Variants in TREH observed in about 807,000 individuals in gnomAD.
TREH encodes the protein alpha,alpha-trehalose glucohydrolase.
In TREH, 69 loss-of-function variants were observed where a neutral mutation model predicts 80.5. That is an observed-to-expected ratio of 0.86 (90% CI 0.71 to 1.05). TREH has a LOEUF of 1.05. TREH is among the 50% of genes least tolerant of loss of function. The pLI is 0.00. For missense variants in TREH, 716 were observed against 718.8 expected (o/e 1.00, Z 0.04); for synonymous variants, 309 against 293.5 (o/e 1.05, Z -0.54).
intron 1 of TREH, among the ~76,000 whole-genome samples, chr11:118,664,313 A>C (rs1949356737): frequency 6.6e-6 from 1 of 152,206 alleles, no homozygotes; most frequent in South Asian, 2.1e-4. Context: ...GTAAGAACAA[A>C]TCACCTCAGT....
At chr11:118,659,292 C>T (rs1949275959) in intron 12 of TREH, 78 bp downstream of exon 12, 6 of 1,254,852 alleles carry the variant, frequency 4.8e-6, no homozygotes, top group African/African-American at 3.0e-5. Context: ...GTCTTTTGTT[C>T]ATGCCTCCCC....
At chr11:118,659,651 T>C (rs377125906) in intron 11 of TREH, 96 bp downstream of exon 11, 13 of 1,451,674 alleles carry the variant, frequency 9.0e-6, no homozygotes, top group Admixed American at 2.0e-5. Context: ...ACAAGGGGCA[T>C]AGCCGGAGGA....
chr11:118,661,569 C>T lies in TREH; in HGVS notation c.618-60G>A. The stretch of plus-strand genomic sequence containing the variant: ...CCCAGCAACTGGCACCAAGGCAATC[C>T]AGCTGCATGCCCGTGGCACACCTGC... On this transcript the variant is annotated intron_variant, in intron 6 of 14. Transcript: ENST00000264029. The surrounding 1 kb of genome is among the most constrained non-coding windows in gnomAD (Gnocchi z 4.2). 5 of 1,612,868 alleles carry T rather than the reference C, an allele frequency of 3.1e-6. No individual in the cohort carries two copies. Among genetic ancestry groups the T allele is most frequent in the Non-Finnish European group, 3.4e-6 (4 of 1,179,150 alleles).
chr11:118,661,838 C>A lies in TREH; in HGVS notation c.524+52G>T. 6.3e-7 allele frequency: 1 copy of A among 1,577,816 alleles called. No homozygotes were observed. Among genetic ancestry groups the A allele is most frequent in the Admixed American group, 1.8e-5 (1 of 54,100 alleles). On this transcript the variant is annotated intron_variant, in intron 5 of 14. Coordinates refer to ENST00000264029, the MANE Select transcript of TREH (RefSeq NM_007180.3). This position sits in a 1 kb window ranked among gnomAD's most constrained non-coding sequence, Gnocchi z 4.2. ...GACACCCTGCTGGCCCTGGGTTTCTCCACCACTGCCAGTCCTGCAGGCCCC... is the reference window on the plus strand; with the variant it reads ...GACACCCTGCTGGCCCTGGGTTTCTACACCACTGCCAGTCCTGCAGGCCCC...
At chr11:118,679,398 C>G in intron 1 of TREH, 141 bp downstream of exon 1, 1 of 1,144,900 alleles carries the variant, frequency 8.7e-7, no homozygotes, top group Non-Finnish European at 1.2e-6. Flanking sequence ...CATAGGAATT[C>G]TCATTTTCTT....
chr11:118,672,418 A>G (rs555221833), intron 1 of TREH, among the ~76,000 whole-genome samples: 28 of 150,902 alleles, frequency 1.9e-4, no homozygotes, highest in Non-Finnish European at 3.7e-4. Context: ...AGAAAAAAAA[A>G]GTTAATGATC....
Position 118,657,436 on chromosome 11 carries a change from C to T in TREH, c.*853G>A, listed in dbSNP as rs1253571556. 1 of 153,036 alleles carries T rather than the reference C, an allele frequency of 6.5e-6. No individual in the cohort carries two copies. The highest frequency in any genetic ancestry group is 1.5e-5 in the Non-Finnish European group (1 of 68,378). 9.5% of individuals were successfully genotyped at this position (153,036 alleles called of 1,614,324 possible). Reference sequence around the variant, plus strand: ...TGCAGCTCTGTGGCCCAGCCCACTGCTTCAGCTGTGGGCCATCTGAGGGTA... The same window carrying T: ...TGCAGCTCTGTGGCCCAGCCCACTGTTTCAGCTGTGGGCCATCTGAGGGTA... On this transcript the variant is annotated 3_prime_UTR_variant, in exon 15 of 15. Coordinates refer to ENST00000264029, the MANE Select transcript of TREH (RefSeq NM_007180.3).
intron 1 of TREH, among the ~76,000 whole-genome samples, chr11:118,667,125 G>A (rs1425754765): frequency 2.6e-5 from 4 of 151,990 alleles, no homozygotes; most frequent in Non-Finnish European, 4.4e-5. Context: ...CAGGTGATCC[G>A]CCCGTCTCAG....
chr11:118,667,687 T>A (rs1949391145), intron 1 of TREH, among the ~76,000 whole-genome samples: 1 of 152,094 alleles, frequency 6.6e-6, no homozygotes, highest in Non-Finnish European at 1.5e-5. Context: ...AAATTCTGGG[T>A]ACAAAACATG....
Position 118,661,696 on chromosome 11 carries a change from G to A in TREH, c.558C>T (p.Leu186=), listed in dbSNP as rs1041807908. 1.1e-5 allele frequency: 18 copies of A among 1,614,000 alleles called. No homozygotes were observed. Among genetic ancestry groups the A allele is most frequent in the Middle Eastern group, 1.6e-4 (1 of 6,062 alleles). The change falls in exon 6 of 15, where the codon CTC becomes CTT. Residue 186 remains leucine (L), a synonymous_variant. Transcript: ENST00000264029. The surrounding 1 kb of genome is among the most constrained non-coding windows in gnomAD (Gnocchi z 4.2). ...CCTTCACCGTCTCAGCCATCTCTGA[G>A]AGGAGCAGACCCTCCATGACCCAGT... ...DSYWVMEGLL[L]SEMAETVKGM... is the part of the protein sequence containing the mutation.
Position 118,674,875 on chromosome 11 carries a change from C to A in TREH, c.89+4664G>T, listed in dbSNP as rs192315461. ...ATATTCTCTCAATCTCATTGCAGTGCCCATCAGGACTTCAGCAGGTGTTTT... is the reference window on the plus strand; with the variant it reads ...ATATTCTCTCAATCTCATTGCAGTGACCATCAGGACTTCAGCAGGTGTTTT... On this transcript the variant is annotated intron_variant, in intron 1 of 14. Coordinates refer to ENST00000264029, the MANE Select transcript of TREH (RefSeq NM_007180.3). The surrounding 1 kb of genome is among the most constrained non-coding windows in gnomAD (Gnocchi z 4.4). Among the ~76,000 whole-genome samples the A allele has an allele frequency of 4.8e-4, 73 of 152,280 alleles. No homozygotes were observed. The highest frequency in any genetic ancestry group is 1.7e-3 in the African/African-American group (70 of 41,568).
At chr11:118,670,841 G>A (rs532939307) in intron 1 of TREH, among the ~76,000 whole-genome samples, 2 of 152,200 alleles carry the variant, frequency 1.3e-5, no homozygotes, top group South Asian at 2.1e-4. Context: ...ATGAAGAGGC[G>A]GTATCATCTT....
chr11:118,665,501 A>C (rs560862119), intron 1 of TREH, among the ~76,000 whole-genome samples: 2 of 151,916 alleles, frequency 1.3e-5, no homozygotes, highest in African/African-American at 4.8e-5. Context: ...TTAGCCAGGC[A>C]TGGTGGCGGG....
intron 1 of TREH, among the ~76,000 whole-genome samples, chr11:118,677,657 G>GGAGGTTGCAGCGAGCC (rs1469820495): frequency 6.6e-6 from 1 of 152,158 alleles, no homozygotes; most frequent in African/African-American, 2.4e-5. Flanking sequence ...CCCAGAAGGT[G>GGAGGTTGCAGCGAGCC]GAGGTTGCAG....
In TREH at chr11:118,659,751, A is replaced by C. The variant is rs1949292605; in HGVS notation, c.1316T>G (p.Leu439Arg). Residue 439 changes from leucine to arginine, a missense_variant, in exon 11 of 15, where the codon CTG becomes CGG. Leu to Arg is a moderately radical substitution (Grantham distance 102). Coordinates refer to ENST00000264029, the MANE Select transcript of TREH (RefSeq NM_007180.3). Reference sequence around the variant, plus strand: ...AGCCACCTGCTGTGCCCTCACCTCCAGGTATTTCAGAGCCTTGTCCGCCAC... The same window carrying C: ...AGCCACCTGCTGTGCCCTCACCTCCCGGTATTTCAGAGCCTTGTCCGCCAC... Reference protein sequence around the residue: ...PGVADKALKYLEDNRILTYQY... With the variant: ...PGVADKALKYREDNRILTYQY... 1.3e-6 allele frequency: 2 copies of C among 1,572,454 alleles called. No individual in the cohort carries two copies. Among genetic ancestry groups the C allele is most frequent in the African/African-American group, 2.7e-5 (2 of 74,012 alleles).
At chr11:118,662,843 C>T (rs782148224) in intron 4 of TREH, 38 bp downstream of exon 4, 6 of 1,551,702 alleles carry the variant, frequency 3.9e-6, no homozygotes, top group Non-Finnish European at 4.4e-6. Context: ...TCTTCAGTTC[C>T]CTTGGTCAGG....
chr11:118,664,618 A>G (rs1015457918), intron 1 of TREH, among the ~76,000 whole-genome samples: 13 of 152,246 alleles, frequency 8.5e-5, no homozygotes, highest in Non-Finnish European at 1.6e-4. Context: ...ACATTTCTTC[A>G]GATCCAAGAA....
At chr11:118,660,290 G>A (rs957550971) in intron 10 of TREH, among the ~76,000 whole-genome samples, 5 of 152,174 alleles carry the variant, frequency 3.3e-5, no homozygotes, top group Non-Finnish European at 7.4e-5. Flanking sequence ...TTTTGGATGC[G>A]TGGACTAGGG....
chr11:118,677,525 A>G (rs1158720307), intron 1 of TREH, among the ~76,000 whole-genome samples: 1 of 152,210 alleles, frequency 6.6e-6, no homozygotes, highest in Non-Finnish European at 1.5e-5. Context: ...AGAGATTGAG[A>G]CCATTCTTGC....
Sources: allele counts gnomAD v4.1 joint callset (sites outside exome capture counted in the v4.1 genomes callset), GRCh38; gene constraint gnomAD v4.1.1; non-coding constraint Gnocchi (gnomAD v3.1); transcripts MANE v1.5; gene names NCBI Gene and HGNC (gene_info 2026-07-23, HGNC 2026-07-21).